Variants in SLC25A15 observed in about 807,000 individuals in gnomAD.
The protein encoded by SLC25A15 is mitochondrial ornithine transporter 1.
In SLC25A15, 24 loss-of-function variants were observed where a neutral mutation model predicts 32.3. The observed-to-expected ratio is 0.74, with a 90% CI of 0.54 to 1.04. The LOEUF is 1.04. Ranked by LOEUF, SLC25A15 falls within the 50% of genes least tolerant of loss-of-function variation. The probability of loss-of-function intolerance (pLI) is 0.00; values close to 1 mark genes in which losing one functional copy is unlikely to be tolerated. For synonymous variants in SLC25A15, 132 were observed against 142.1 expected, an observed-to-expected ratio of 0.93 and a Z score of 0.51; for missense variants, 317 against 374.5, an observed-to-expected ratio of 0.85 and a Z score of 1.27.
intron 2 of SLC25A15, among the ~76,000 whole-genome samples, chr13:40,794,810 A>C (rs1240357015): frequency 6.6e-6 from 1 of 151,694 alleles, no homozygotes; most frequent in East Asian, 1.9e-4. Flanking sequence ...CACCACCAGC[A>C]GATGAGTATG....
In SLC25A15 at chr13:40,807,560, C is replaced by T. The variant is rs1020343088; in HGVS notation, c.622+97C>T. ...TCTCTGCCCTTTGTGCTCTCCTCCC[C>T]ACATTGGTGGCTCCATCTGGCACAG... On this transcript the variant is annotated intron_variant, in intron 5 of 6. Coordinates refer to ENST00000338625, the MANE Select transcript of SLC25A15 (RefSeq NM_014252.4). The T allele has an allele frequency of 7.4e-6, 10 of 1,359,928 alleles. No homozygotes were observed. The African/African-American group carries it at 8.6e-5, about 12-fold the overall frequency. 84.2% of individuals were successfully genotyped at this position (1,359,928 alleles called of 1,614,324 possible).
chr13:40,793,098 A>G, intron 1 of SLC25A15, 60 bp from the exon 2 acceptor site: 1 of 902,818 alleles, frequency 1.1e-6, no homozygotes, highest in South Asian at 1.4e-5. Flanking sequence ...ATTTGGCTGC[A>G]GGCCTAGAGA....
intron 2 of SLC25A15, among the ~76,000 whole-genome samples, chr13:40,794,808 G>T (rs527441905): frequency 3.4e-4 from 50 of 148,614 alleles, no homozygotes; most frequent in African/African-American, 1.2e-3. Context: ...CCCACCACCA[G>T]CAGATGAGTA....
At chr13:40,793,815 T>G (rs1175508850) in intron 2 of SLC25A15, among the ~76,000 whole-genome samples, 15 of 152,222 alleles carry the variant, frequency 9.9e-5, no homozygotes, top group Admixed American at 9.8e-4. Flanking sequence ...GTTAACACCT[T>G]GTCAGTCAGG....
chr13:40,800,000 C>G (rs1379650238), intron 3 of SLC25A15, among the ~76,000 whole-genome samples: 1 of 152,222 alleles, frequency 6.6e-6, no homozygotes, highest in Admixed American at 6.5e-5. Context: ...TATATAGAGA[C>G]TAAACAGAAT....
intron 6 of SLC25A15, 150 bp from the exon 7 acceptor site, chr13:40,809,393 G>A (rs1882348783): frequency 1.0e-6 from 1 of 978,110 alleles, no homozygotes; most frequent in Admixed American, 1.7e-5. Context: ...GTCTATTTAG[G>A]AAAAGCTGGG....
chr13:40,806,607 A>T (rs926858332), intron 4 of SLC25A15, among the ~76,000 whole-genome samples: 3 of 152,238 alleles, frequency 2.0e-5, no homozygotes, highest in African/African-American at 7.2e-5. Context: ...AATAGTTTTT[A>T]AATGTCTGTG....
intron 1 of SLC25A15, 147 bp from the exon 2 acceptor site, chr13:40,793,011 G>A (rs1303432304): frequency 2.1e-5 from 13 of 605,900 alleles, no homozygotes; most frequent in Admixed American, 4.7e-5. Context: ...TTGCTAAGCT[G>A]CACTGATACC....
At chr13:40,801,538 T>C (rs7984131) in intron 3 of SLC25A15, among the ~76,000 whole-genome samples, 12,795 of 152,260 alleles carry the variant, frequency 0.084, 591 homozygotes, top group Middle Eastern at 0.1. Context: ...TTGTGTCCTC[T>C]GAGCTCCTGC....
chr13:40,799,388 T>A (rs936876404), intron 3 of SLC25A15, 73 bp downstream of exon 3: 56 of 1,591,916 alleles, frequency 3.5e-5, no homozygotes, highest in Non-Finnish European at 4.7e-5. Flanking sequence ...TGGTGGCTCA[T>A]GCCTGTAATC....
At chr13:40,805,999 TCTG>T (rs1174764827) in intron 4 of SLC25A15, among the ~76,000 whole-genome samples, 16 of 152,186 alleles carry the variant, frequency 1.1e-4, no homozygotes, top group African/African-American at 3.9e-4. Context: ...AGCCTATAAA[TCTG>T]CTGGGAAAAA....
At chr13:40,791,168 A>G (rs1881477961) in intron 1 of SLC25A15, among the ~76,000 whole-genome samples, 1 of 151,908 alleles carries the variant, frequency 6.6e-6, no homozygotes, top group South Asian at 2.1e-4. Flanking sequence ...GTTGGTTTGT[A>G]GGCACAGGCC....
chr13:40,799,198 G>T lies in SLC25A15; in HGVS notation c.197G>T (p.Gly66Val). The T allele has an allele frequency of 1.2e-6, 2 of 1,614,166 alleles. No homozygotes were observed. The highest frequency in any genetic ancestry group is 1.1e-5 in the South Asian group (1 of 91,086). The change falls in exon 3 of 7, where the codon GGT (glycine) becomes GTT (valine). Residue 66 changes from glycine (G) to valine (V), a missense_variant. By Grantham distance (109) the Gly-to-Val change is moderately radical. Transcript: ENST00000338625. ...GTGGGCTTCCGTGGCTTCTACAAGG[G>T]TACCAGTCCAGCACTAATCGCCAAC... is the stretch of plus-strand genomic sequence containing the variant. The part of the protein sequence containing the change: ...SQVGFRGFYK[G>V]TSPALIANIA...
chr13:40,809,457 G>A (rs1340361498), intron 6 of SLC25A15, 86 bp from the exon 7 acceptor site: 13 of 1,526,848 alleles, frequency 8.5e-6, no homozygotes, highest in Admixed American at 1.7e-5. Context: ...GGGTTTGCAT[G>A]TGTAAATATA....
intron 3 of SLC25A15, among the ~76,000 whole-genome samples, chr13:40,800,139 C>G (rs930544898): frequency 3.3e-5 from 5 of 152,144 alleles, no homozygotes; most frequent in Non-Finnish European, 7.4e-5. Context: ...AGTTTGAAAC[C>G]TGATTGCAGC....
rs1882461196 is a variant in SLC25A15 at position 40,811,686 on chromosome 13, TG to T, written c.*2020del. Among the ~76,000 whole-genome samples, 1 of 152,198 alleles carries T rather than the reference TG, an allele frequency of 6.6e-6. No individual in the cohort carries two copies. Among genetic ancestry groups the T allele is most frequent in the South Asian group, 2.1e-4 (1 of 4,830 alleles). ...ACTACTTAAGTTAGCCTCATCATTT[TG>T]TGCTGCTCCAACACCAGCAGGGTAT... On this transcript the variant is annotated 3_prime_UTR_variant, in exon 7 of 7. Transcript: ENST00000338625.
chr13:40,791,647 G>A (rs551624761), intron 1 of SLC25A15, among the ~76,000 whole-genome samples: 3 of 152,180 alleles, frequency 2.0e-5, no homozygotes, highest in Admixed American at 6.5e-5. Flanking sequence ...GTGAGCCACC[G>A]CGCCTGGCCA....
rs114817943 is a variant in SLC25A15, at chr13:40,811,612, G to A, written c.*1945G>A. Among the ~76,000 whole-genome samples the A allele has an allele frequency of 0.01, 1,597 of 152,306 alleles. 17 individuals carry two copies. Among genetic ancestry groups the A allele is most frequent in the African/African-American group, 0.035 (1,441 of 41,564 alleles). ...TCATCTGATCCCCCATAGACTTGGG[G>A]ATGGACAGCTGTTCTTTGGCCATAT... On this transcript the variant is annotated 3_prime_UTR_variant, in exon 7 of 7. Transcript: ENST00000338625.
At chr13:40,791,200 T>C (rs573142682) in intron 1 of SLC25A15, among the ~76,000 whole-genome samples, 4 of 152,164 alleles carry the variant, frequency 2.6e-5, no homozygotes, top group African/African-American at 9.6e-5. Context: ...GACTTTGAAC[T>C]GAATCCTCTG....
Sources: allele counts gnomAD v4.1 joint callset (sites outside exome capture counted in the v4.1 genomes callset), GRCh38; gene constraint gnomAD v4.1.1; transcripts MANE v1.5; gene names NCBI Gene and HGNC (gene_info 2026-07-23, HGNC 2026-07-21).